The following IGF2BP3 variants were observed in gnomAD, a reference collection of about 807,000 sequenced individuals.
IGF2BP3 encodes the protein insulin-like growth factor 2 mRNA-binding protein 3.
Under a neutral mutation model 73.8 loss-of-function variants are expected in IGF2BP3, and 9 were observed. The ratio of observed to expected loss-of-function variants is 0.12; its 90% CI spans 0.07 to 0.21. The LOEUF (loss-of-function observed/expected upper bound fraction) is 0.21. Among genes scored for constraint, IGF2BP3 ranks in the 10% least tolerant of loss-of-function variants. The pLI is 1.00. For missense variants in IGF2BP3, 542 were observed against 714.0 expected (o/e 0.76, Z 2.75); for synonymous variants, 258 against 256.7 (o/e 1.01, Z -0.05).
At chr7:23,426,829 C>T (rs1274433505) in intron 2 of IGF2BP3, among the ~76,000 whole-genome samples, 1 of 152,162 alleles carries the variant, frequency 6.6e-6, no homozygotes, top group Non-Finnish European at 1.5e-5. Flanking sequence ...CTGCCTAAAC[C>T]CACTATTTCA....
At chr7:23,331,817 G>A (rs1784451124) in intron 10 of IGF2BP3, among the ~76,000 whole-genome samples, 2 of 149,428 alleles carry the variant, frequency 1.3e-5, no homozygotes, top group Admixed American at 6.7e-5. Context: ...CTGAGATTGT[G>A]CCACTGCACT....
At chr7:23,329,163 A>G (rs1326030459) in intron 10 of IGF2BP3, among the ~76,000 whole-genome samples, 22 of 152,018 alleles carry the variant, frequency 1.4e-4, no homozygotes. Context: ...CAGTGAGCAG[A>G]GATCACGCCA....
intron 3 of IGF2BP3, among the ~76,000 whole-genome samples, chr7:23,375,903 G>C (rs897035386): frequency 1.3e-5 from 2 of 152,076 alleles, no homozygotes; most frequent in Non-Finnish European, 2.9e-5. Flanking sequence ...TGGCTCTATG[G>C]GGCCTTATAA....
chr7:23,381,043 T>C (rs138703905), intron 3 of IGF2BP3, among the ~76,000 whole-genome samples: 14 of 152,376 alleles, frequency 9.2e-5, no homozygotes, highest in Non-Finnish European at 1.8e-4. Flanking sequence ...CACTTGTCCA[T>C]GTCTAAATCA....
At chr7:23,453,619 T>C (rs1304602330) in intron 2 of IGF2BP3, among the ~76,000 whole-genome samples, 1 of 152,192 alleles carries the variant, frequency 6.6e-6, no homozygotes, top group Non-Finnish European at 1.5e-5. Context: ...TCCATAACAC[T>C]TAGTTGAAAG....
intron 2 of IGF2BP3, among the ~76,000 whole-genome samples, chr7:23,428,730 G>A (rs7778654): frequency 0.18 from 23,620 of 128,962 alleles, 2,540 homozygotes; most frequent in African/African-American, 0.36. Context: ...TTTTTAGGGG[G>A]AAAAAAAAAA....
chr7:23,430,502 GTACCGGCTGCAAATTTTCAT>G (rs1230242200), intron 2 of IGF2BP3, among the ~76,000 whole-genome samples: 8 of 152,242 alleles, frequency 5.3e-5, no homozygotes, highest in African/African-American at 1.9e-4. Context: ...GTGGCACTCT[GTACCGGCTGCAAATTTTCAT>G]TCCAGCTGTG....
rs950856972 is a variant in IGF2BP3, at chr7:23,310,250, C to T, written c.*2112G>A. The T allele has an allele frequency of 6.6e-6, 1 of 152,136 alleles. No individual in the cohort carries two copies. The highest frequency in any genetic ancestry group is 2.4e-5 in the African/African-American group (1 of 41,430). 9.4% of individuals were successfully genotyped at this position (152,136 alleles called of 1,614,324 possible). On this transcript the variant is annotated 3_prime_UTR_variant, in exon 15 of 15. Transcript: ENST00000258729. Reference sequence around the variant, plus strand: ...AAAAATTTATTCTGCGTCAAGGTATCTGGAAAATGAAGCTGCATTTGGGGC... The same window carrying T: ...AAAAATTTATTCTGCGTCAAGGTATTTGGAAAATGAAGCTGCATTTGGGGC...
rs1788657333 is a variant in IGF2BP3, at chr7:23,469,569, C to CG, written c.175+366dup. The CG allele has an allele frequency of 6.5e-6, 1 of 154,824 alleles. No homozygotes were observed. The highest frequency in any genetic ancestry group is 2.4e-5 in the African/African-American group (1 of 41,582). 9.6% of individuals were successfully genotyped at this position (154,824 alleles called of 1,614,324 possible). On this transcript the variant is annotated intron_variant, in intron 1 of 14. Transcript: ENST00000258729. The surrounding 1 kb of genome is among the most constrained non-coding windows in gnomAD (Gnocchi z 6.1). Reference sequence around the variant, plus strand: ...AAAGCAGGAAGGAACGAGGCACAGGCGGGCATTCTAGCTCGGCCCCCGAGG... The same window carrying CG: ...AAAGCAGGAAGGAACGAGGCACAGGCGGGGCATTCTAGCTCGGCCCCCGAGG...
intron 3 of IGF2BP3, among the ~76,000 whole-genome samples, chr7:23,384,606 A>AG (rs144814047): frequency 0.041 from 6,179 of 152,220 alleles, 172 homozygotes; most frequent in South Asian, 0.1. Flanking sequence ...ACAACCTGGT[A>AG]GGCACTGGGC....
chr7:23,333,342 C>T (rs548108721), intron 10 of IGF2BP3, among the ~76,000 whole-genome samples: 1 of 152,276 alleles, frequency 6.6e-6, no homozygotes, highest in South Asian at 2.1e-4. Flanking sequence ...TAAATATCCC[C>T]AGAGAACACT....
intron 3 of IGF2BP3, among the ~76,000 whole-genome samples, chr7:23,362,370 G>C (rs1785251442): frequency 6.6e-6 from 1 of 152,216 alleles, no homozygotes; most frequent in South Asian, 2.1e-4. Flanking sequence ...CTCAAGGCAG[G>C]CTAGAAAAAT....
At chr7:23,314,497 G>C (rs760951345) in intron 12 of IGF2BP3, among the ~76,000 whole-genome samples, 1 of 151,882 alleles carries the variant, frequency 6.6e-6, no homozygotes, top group Non-Finnish European at 1.5e-5. Flanking sequence ...TTTTTATAGA[G>C]ATGGGGGTCT....
chr7:23,430,450 G>A lies in IGF2BP3; in HGVS notation c.237-11626C>T, dbSNP rs149634218. On this transcript the variant is annotated intron_variant, in intron 2 of 14. Transcript: ENST00000258729. ...TTTCAAGTAAAAAGCCAAGCCTTAT[G>A]GCTCAAAGCAGTCTAGCATGGGCTT... Among the ~76,000 whole-genome samples, 246 of 152,344 alleles carry A rather than the reference G, an allele frequency of 1.6e-3. 2 individuals carry two copies. The highest frequency in any genetic ancestry group is 5.4e-3 in the African/African-American group (225 of 41,582).
At chr7:23,332,550 G>T (rs1784470059) in intron 10 of IGF2BP3, among the ~76,000 whole-genome samples, 2 of 152,160 alleles carry the variant, frequency 1.3e-5, no homozygotes, top group African/African-American at 2.4e-5. Context: ...TGTGTTAGGG[G>T]CCTGTCCTGC....
rs368105840 is a variant in IGF2BP3 at position 23,333,420 on chromosome 7, G to A, written c.1203+8644C>T. ...ATGCATGTGTCTTAGCCTGGAACAC[G>A]TCCAAGGCTGCTGTTGTGAGAAACA... On this transcript the variant is annotated intron_variant, in intron 10 of 14. Coordinates refer to ENST00000258729, the MANE Select transcript of IGF2BP3 (RefSeq NM_006547.3). Among the ~76,000 whole-genome samples, 36 of 152,286 alleles carry A rather than the reference G, an allele frequency of 2.4e-4. 1 individual carries two copies. In the South Asian group the frequency reaches 7.3e-3, roughly 31 times the overall value.
chr7:23,317,725 C>A lies in IGF2BP3; in HGVS notation c.1321-12G>T. 1 of 1,610,592 alleles carries A rather than the reference C, an allele frequency of 6.2e-7. No individual in the cohort carries two copies. The highest frequency in any genetic ancestry group is 8.5e-7 in the Non-Finnish European group (1 of 1,176,782). On this transcript the variant is annotated splice_polypyrimidine_tract_variant and intron_variant, in intron 11 of 14. Coordinates refer to ENST00000258729, the MANE Select transcript of IGF2BP3 (RefSeq NM_006547.3). The stretch of plus-strand genomic sequence containing the variant: ...TCCGCTGGAGCAATCTGTAACAGAC[C>A]CAACAACAAGTTATGATACTTTCAG...
intron 2 of IGF2BP3, among the ~76,000 whole-genome samples, chr7:23,448,726 G>A (rs1788124149): frequency 6.6e-6 from 1 of 152,142 alleles, no homozygotes; most frequent in South Asian, 2.1e-4. Context: ...CACCTCCTGG[G>A]TTCAAACGAT....
intron 2 of IGF2BP3, among the ~76,000 whole-genome samples, chr7:23,426,427 T>A (rs1041806034): frequency 6.6e-5 from 10 of 152,110 alleles, no homozygotes; most frequent in Non-Finnish European, 1.3e-4. Flanking sequence ...GTACTCAAAT[T>A]TTCCTGATTA....
Sources: allele counts gnomAD v4.1 joint callset (sites outside exome capture counted in the v4.1 genomes callset), GRCh38; gene constraint gnomAD v4.1.1; non-coding constraint Gnocchi (gnomAD v3.1); transcripts MANE v1.5; gene names NCBI Gene and HGNC (gene_info 2026-07-23, HGNC 2026-07-21).